Variants in ULK4 observed in about 807,000 individuals in gnomAD.
ULK4 encodes unc-51 like kinase 4, also known as inactive serine/threonine-protein kinase ULK4.
Under a neutral mutation model 160.6 loss-of-function variants are expected in ULK4, and 133 were observed. That is an observed-to-expected ratio of 0.83 (90% CI 0.72 to 0.96). The LOEUF is 0.96. Ranked by LOEUF, ULK4 falls within the 40% of genes least tolerant of loss-of-function variation. The pLI, the probability that ULK4 is intolerant of heterozygous loss-of-function variation, is 0.00. For synonymous variants in ULK4, 534 were observed against 539.8 expected, an observed-to-expected ratio of 0.99 and a Z score of 0.15; for missense variants, 1,580 against 1,499.5, an observed-to-expected ratio of 1.05 and a Z score of -0.89.
intron 35 of ULK4, among the ~76,000 whole-genome samples, chr3:41,347,566 G>T (rs1256509038): frequency 6.6e-6 from 1 of 151,550 alleles, no homozygotes; most frequent in African/African-American, 2.4e-5. Flanking sequence ...TATATATATG[G>T]TTCTCCCTTT....
intron 35 of ULK4, among the ~76,000 whole-genome samples, chr3:41,288,994 G>A (rs1451523428): frequency 6.6e-6 from 1 of 152,188 alleles, no homozygotes; most frequent in Non-Finnish European, 1.5e-5. Context: ...TCCACAGCTC[G>A]GAGCACACAG....
chr3:41,827,228 C>G (rs1394486128), intron 18 of ULK4, among the ~76,000 whole-genome samples: 2 of 145,886 alleles, frequency 1.4e-5, no homozygotes, highest in Non-Finnish European at 3.0e-5. Flanking sequence ...AAATTGACAC[C>G]TTAACATCAC....
intron 7 of ULK4, among the ~76,000 whole-genome samples, chr3:41,918,178 A>C (rs1699038992): frequency 6.6e-6 from 1 of 152,186 alleles, no homozygotes; most frequent in Admixed American, 6.5e-5. Flanking sequence ...ATGTCACATA[A>C]GGGTTTAAGT....
intron 22 of ULK4, among the ~76,000 whole-genome samples, chr3:41,752,846 T>G (rs1456610220): frequency 3.9e-5 from 6 of 152,178 alleles, no homozygotes. Flanking sequence ...AAAAGAATTC[T>G]CTTCTCCCTA....
chr3:41,587,657 T>A (rs1250437659), intron 31 of ULK4, among the ~76,000 whole-genome samples: 1 of 152,196 alleles, frequency 6.6e-6, no homozygotes, highest in Non-Finnish European at 1.5e-5. Flanking sequence ...TAAAGTCACA[T>A]GAAGGCAAAG....
rs1181225910 is a variant in ULK4, at chr3:41,306,128, TGGGGG to T, written c.3679-56559_3679-56555del. 7.5e-3 allele frequency among the ~76,000 whole-genome samples: 455 copies of T among 60,668 alleles called. 3 individuals are homozygous for T. The highest frequency in any genetic ancestry group is 0.013 in the African/African-American group (129 of 10,210). The allele number at this position is 60,668 out of a possible 152,430, so 39.8% of individuals were successfully genotyped here. On this transcript the variant is annotated intron_variant, in intron 35 of 36. Transcript: ENST00000301831. ...GCCGCCACCCCGTCCGGGAGGGAGG[TGGGGG>T]GGGGGGGTCAGCCCCCCGCCAGGCC... is the stretch of plus-strand genomic sequence containing the variant.
At chr3:41,630,335 C>T (rs1384413818) in intron 30 of ULK4, among the ~76,000 whole-genome samples, 1 of 152,160 alleles carries the variant, frequency 6.6e-6, no homozygotes, top group Non-Finnish European at 1.5e-5. Flanking sequence ...CAGTTCCTTG[C>T]AGTTGTAGGG....
chr3:41,722,721 G>A (rs1210799845), intron 22 of ULK4, among the ~76,000 whole-genome samples: 1 of 152,160 alleles, frequency 6.6e-6, no homozygotes, highest in Admixed American at 6.5e-5. Flanking sequence ...CATTAAAATT[G>A]TTCTACTCCT....
intron 27 of ULK4, among the ~76,000 whole-genome samples, chr3:41,701,342 G>A (rs1180221327): frequency 3.9e-5 from 6 of 151,956 alleles, no homozygotes; most frequent in Non-Finnish European, 8.8e-5. Flanking sequence ...AGGACCCAAG[G>A]GACAAAAACA....
intron 22 of ULK4, among the ~76,000 whole-genome samples, chr3:41,746,054 T>C (rs1181258322): frequency 1.3e-5 from 2 of 150,580 alleles, no homozygotes; most frequent in Non-Finnish European, 3.0e-5. Context: ...GTTAACACCA[T>C]ACTTAACAGT....
At chr3:41,588,711 T>C (rs1265566454) in intron 31 of ULK4, among the ~76,000 whole-genome samples, 1 of 152,186 alleles carries the variant, frequency 6.6e-6, no homozygotes, top group Non-Finnish European at 1.5e-5. Context: ...ATAATAATAA[T>C]TTATGTTGAT....
chr3:41,391,506 T>A (rs188962962), intron 35 of ULK4, among the ~76,000 whole-genome samples: 1 of 151,844 alleles, frequency 6.6e-6, no homozygotes, highest in Non-Finnish European at 1.5e-5. Context: ...TTATTATACC[T>A]CAAGGAATAT....
intron 34 of ULK4, among the ~76,000 whole-genome samples, chr3:41,419,960 T>C (rs759089686): frequency 3.9e-5 from 6 of 151,968 alleles, no homozygotes; most frequent in Non-Finnish European, 7.4e-5. Context: ...TGCCAAAGGC[T>C]TCCATATGCC....
chr3:41,695,815 A>G (rs571430189), intron 27 of ULK4, among the ~76,000 whole-genome samples: 1 of 152,286 alleles, frequency 6.6e-6, no homozygotes, highest in East Asian at 1.9e-4. Context: ...ATTAATCATT[A>G]GTTTGTAGCA....
chr3:41,285,840 A>T (rs2079447344), intron 35 of ULK4, among the ~76,000 whole-genome samples: 1 of 152,232 alleles, frequency 6.6e-6, no homozygotes. Context: ...AACAAGTTGC[A>T]GTATGCATAG....
intron 31 of ULK4, among the ~76,000 whole-genome samples, chr3:41,580,955 A>C (rs1270480188): frequency 2.6e-5 from 4 of 152,212 alleles, no homozygotes; most frequent in African/African-American, 9.6e-5. Context: ...AATTTTAACA[A>C]TTCCTAAGCT....
chr3:41,782,134 T>G (rs909640680), intron 21 of ULK4, among the ~76,000 whole-genome samples: 2 of 151,718 alleles, frequency 1.3e-5, no homozygotes, highest in African/African-American at 4.9e-5. Flanking sequence ...TGATTTTCAC[T>G]TCATCTTCAT....
rs748098038 is a variant in ULK4, at chr3:41,948,141, C to T, written c.138+6481G>A. Among the ~76,000 whole-genome samples the T allele has an allele frequency of 4.6e-5, 7 of 151,978 alleles. No homozygotes were observed. In the South Asian group the frequency reaches 8.3e-4, roughly 18 times the overall value. Reference sequence around the variant, plus strand: ...TTTCTTGTTCCATTAGTGACTGTGACGTAAGAGACATCATGAAAGAATATT... The same window carrying T: ...TTTCTTGTTCCATTAGTGACTGTGATGTAAGAGACATCATGAAAGAATATT... On this transcript the variant is annotated intron_variant, in intron 2 of 36. Coordinates refer to ENST00000301831, the MANE Select transcript of ULK4 (RefSeq NM_017886.4).
intron 35 of ULK4, among the ~76,000 whole-genome samples, chr3:41,344,696 T>C (rs1476883586): frequency 7.1e-6 from 1 of 140,216 alleles, no homozygotes; most frequent in Non-Finnish European, 1.5e-5. Flanking sequence ...AAGGTTGCAG[T>C]GAGCCGCGGT....
Sources: gnomAD v4.1 joint callset for allele counts (sites outside exome capture counted in the v4.1 genomes callset) on GRCh38, gnomAD v4.1.1 for gene constraint, MANE v1.5 for transcripts, NCBI Gene and HGNC (gene_info 2026-07-23, HGNC 2026-07-21) for gene names.